The following F7 variants were observed in gnomAD, a reference collection of about 807,000 sequenced individuals.
F7 encodes coagulation factor VII.
Under a neutral mutation model 47.5 loss-of-function variants are expected in F7, and 38 were observed. That is an observed-to-expected ratio of 0.80 (90% CI 0.62 to 1.05). The LOEUF is 1.05. Among genes scored for constraint, F7 ranks in the 50% least tolerant of loss-of-function variants. The pLI is 0.00. For synonymous variants in F7, 244 were observed against 258.5 expected (o/e 0.94, Z 0.54); for missense variants, 575 against 605.4 (o/e 0.95, Z 0.53).
At chr13:113,115,626 AG>A in intron 4 of F7, 33 bp from the exon 5 acceptor site, 1 of 1,608,494 alleles carries the variant, frequency 6.2e-7, no homozygotes, top group Non-Finnish European at 8.5e-7. Context: ...GACCCCCAGA[AG>A]CCCCTCTCAG....
At chr13:113,110,954 G>T (rs2036081325) in intron 2 of F7, 104 bp downstream of exon 2, 5 of 1,339,810 alleles carry the variant, frequency 3.7e-6, no homozygotes, top group Non-Finnish European at 4.9e-6. Context: ...TGTGGGCGGC[G>T]AACACGCAGC....
chr13:113,117,136 C>T (rs1480187494), intron 6 of F7: 1 of 610,200 alleles, frequency 1.6e-6, no homozygotes, highest in East Asian at 2.8e-5. Context: ...TCACGTCGTC[C>T]TCACGGTTAC....
chr13:113,112,751 G>C (rs368121754), intron 2 of F7, among the ~76,000 whole-genome samples: 24 of 143,220 alleles, frequency 1.7e-4, no homozygotes, highest in Middle Eastern at 4.8e-3. Context: ...ACACCCACAG[G>C]ACACCTCACA....
chr13:113,118,917 A>G lies in F7; in HGVS notation c.1244A>G (p.Tyr415Cys). 6.2e-7 allele frequency: 1 copy of G among 1,612,032 alleles called. No homozygotes were observed. The highest frequency in any genetic ancestry group is 8.5e-7 in the Non-Finnish European group (1 of 1,179,880). The change falls in exon 8 of 8, where the codon TAC (tyrosine) becomes TGC (cysteine). Residue 415 changes from tyrosine (Y) to cysteine (C), a missense_variant. Tyr to Cys is a radical substitution (Grantham distance 194, BLOSUM62 -2). Coordinates refer to ENST00000346342, the MANE Select transcript of F7 (RefSeq NM_019616.4). ...GCATVGHFGV[Y>C]TRVSQYIEWL... The stretch of plus-strand genomic sequence containing the variant: ...GCAACCGTGGGCCACTTTGGGGTGT[A>G]CACCAGGGTCTCCCAGTACATCGAG...
chr13:113,113,546 GGTCACCCATA>G lies in F7; in HGVS notation c.226-203_226-194del, dbSNP rs1002248332. Among the ~76,000 whole-genome samples, 14 of 152,158 alleles carry G rather than the reference GGTCACCCATA, an allele frequency of 9.2e-5. No homozygotes were observed. Among genetic ancestry groups the G allele is most frequent in the African/African-American group, 3.1e-4 (13 of 41,426 alleles). ...TCTGACTTGGGAGCAGGAAATGTGT[GGTCACCCATA>G]GTTCCAGATGTCCTGGGGAGGGGCC... On this transcript the variant is annotated intron_variant, in intron 2 of 7. Transcript: ENST00000346342. This position sits in a 1 kb window ranked among gnomAD's most constrained non-coding sequence, Gnocchi z 4.1.
intron 6 of F7, 170 bp downstream of exon 6, chr13:113,117,045 G>T: frequency 1.4e-6 from 1 of 706,676 alleles, no homozygotes; most frequent in Non-Finnish European, 2.6e-6. Context: ...TTTTAGTGGG[G>T]CAAGGAAGGA....
At chr13:113,116,971 G>A (rs965388604) in intron 6 of F7, 96 bp downstream of exon 6, 1 of 1,004,758 alleles carries the variant, frequency 1.0e-6, no homozygotes, top group Non-Finnish European at 1.6e-6. Flanking sequence ...GGGCAGGTCA[G>A]CCCCAAGCCC....
chr13:113,116,742 C>T lies in F7; in HGVS notation c.506-24C>T, dbSNP rs772561757. 34 of 1,528,226 alleles carry T rather than the reference C, an allele frequency of 2.2e-5. No homozygotes were observed. The South Asian group carries it at 3.7e-4, about 17-fold the overall frequency. The allele number at this position is 1,528,226 out of a possible 1,614,324, so 94.7% of individuals were successfully genotyped here. ...GTTCATCCCTCACAAATCTCTGCAT[C>T]TTTCTGACTTTTGTTTTACACAGTT... On this transcript the variant is annotated intron_variant, in intron 5 of 7. Coordinates refer to ENST00000346342, the MANE Select transcript of F7 (RefSeq NM_019616.4).
chr13:113,118,941 A>G lies in F7; in HGVS notation c.1268A>G (p.Glu423Gly). ...TACACCAGGGTCTCCCAGTACATCG[A>G]GTGGCTGCAAAAGCTCATGCGCTCA... The part of the protein sequence containing the change: ...GVYTRVSQYI[E>G]WLQKLMRSEP... The change falls in exon 8 of 8, where the codon GAG becomes GGG. Residue 423 changes from glutamate to glycine, a missense_variant. Transcript: ENST00000346342. 2 of 1,609,604 alleles carry G rather than the reference A, an allele frequency of 1.2e-6. No homozygotes were observed. The highest frequency in any genetic ancestry group is 1.7e-6 in the Non-Finnish European group (2 of 1,179,956).
chr13:113,117,007 G>T (rs752129277), intron 6 of F7, 132 bp downstream of exon 6: 33 of 762,730 alleles, frequency 4.3e-5, no homozygotes, highest in Non-Finnish European at 7.7e-5. Context: ...AGCACACCTA[G>T]CACCTCCAGC....
rs112365146 is a variant in F7 at position 113,113,058 on chromosome 13, C to G, written c.226-694C>G. On this transcript the variant is annotated intron_variant, in intron 2 of 7. Transcript: ENST00000346342. The surrounding 1 kb of genome is among the most constrained non-coding windows in gnomAD (Gnocchi z 4.1). ...CAGGTCACCTTACACTCATCTCACA[C>G]TCACAGGTCGCCACACCTCACACTC... Among the ~76,000 whole-genome samples the G allele has an allele frequency of 1.3e-5, 2 of 151,900 alleles. No individual in the cohort carries two copies. The highest frequency in any genetic ancestry group is 2.4e-5 in the African/African-American group (1 of 41,376).
chr13:113,107,007 C>A, intron 1 of F7: 1 of 1,367,198 alleles, frequency 7.3e-7, no homozygotes, highest in Non-Finnish European at 1.0e-6. Context: ...CGCGGGGTGG[C>A]TACTGCAGTG....
At chr13:113,114,030 C>T (rs560328953) in intron 4 of F7, 70 bp downstream of exon 4, 151 of 1,552,846 alleles carry the variant, frequency 9.7e-5, no homozygotes, top group Non-Finnish European at 1.2e-4. Flanking sequence ...CCTGGCCAAC[C>T]GGGCTGCAGG....
intron 6 of F7, chr13:113,117,152 G>T: frequency 1.6e-6 from 1 of 606,260 alleles, no homozygotes; most frequent in Non-Finnish European, 2.9e-6. Context: ...GTTACTCTTT[G>T]AGGTGGGATC....
chr13:113,116,953 G>A (rs1176623686), intron 6 of F7, 78 bp downstream of exon 6: 3 of 1,211,024 alleles, frequency 2.5e-6, no homozygotes, highest in Non-Finnish European at 3.7e-6. Context: ...AGCTCTGGAA[G>A]GGAAAATGGG....
rs201058276 is a variant in F7 at position 113,118,731 on chromosome 13, G to A, written c.1058G>A (p.Arg353Gln). 77 of 1,613,074 alleles carry A rather than the reference G, an allele frequency of 4.8e-5. No homozygotes were observed. In the East Asian group the frequency reaches 7.4e-4, roughly 15 times the overall value. The change falls in exon 8 of 8, where the codon CGG (arginine) becomes CAG (glutamine). Residue 353 changes from arginine (R) to glutamine (Q), a missense_variant. Arg to Gln is a conservative substitution (Grantham distance 43). Transcript: ENST00000346342. ...LMTQDCLQQS[R>Q]KVGDSPNITE... is the part of the protein sequence containing the mutation. ...ACCCAGGACTGCCTGCAGCAGTCAC[G>A]GAAGGTGGGAGACTCCCCAAATATC...
chr13:113,109,494 C>A (rs2036047226), intron 1 of F7, among the ~76,000 whole-genome samples: 1 of 152,192 alleles, frequency 6.6e-6, no homozygotes. Context: ...CTCTCGGCCC[C>A]ACGTGGCCCA....
chr13:113,107,012 G>A, intron 1 of F7: 2 of 1,315,990 alleles, frequency 1.5e-6, no homozygotes, highest in Non-Finnish European at 1.1e-6. Context: ...GGTGGCTACT[G>A]CAGTGCCCCC....
rs751478466 is a variant in F7, at chr13:113,115,819, C to A, written c.505+19C>A. On this transcript the variant is annotated intron_variant, in intron 5 of 7. Transcript: ENST00000346342. The stretch of plus-strand genomic sequence containing the variant: ...CCCACAGGTGACCAGGCTTCATGTC[C>A]CAGTCCCAGATGACACCAGTCCCTG... 1.2e-6 allele frequency: 2 copies of A among 1,613,000 alleles called. No homozygotes were observed. Among genetic ancestry groups the A allele is most frequent in the Non-Finnish European group, 1.7e-6 (2 of 1,180,002 alleles).
Sources: gnomAD v4.1 joint callset for allele counts (sites outside exome capture counted in the v4.1 genomes callset) on GRCh38, gnomAD v4.1.1 for gene constraint, Gnocchi (gnomAD v3.1) non-coding constraint, MANE v1.5 for transcripts, NCBI Gene and HGNC (gene_info 2026-07-23, HGNC 2026-07-21) for gene names.